The following NRXN3 variants were observed in gnomAD, a reference collection of about 807,000 sequenced individuals.
NRXN3 encodes neurexin 3, also known as neurexin III.
NRXN3 carries 32 observed loss-of-function variants against 137.6 expected under a neutral mutation model. The observed-to-expected ratio is 0.23, with a 90% CI of 0.18 to 0.31. The LOEUF (loss-of-function observed/expected upper bound fraction) is 0.31. Among genes scored for constraint, NRXN3 ranks in the 10% least tolerant of loss-of-function variants. The pLI is 1.00. For synonymous variants in NRXN3, 798 were observed against 784.5 expected (o/e 1.02, Z -0.29); for missense variants, 1,574 against 2,062.5 (o/e 0.76, Z 4.59).
At chr14:79,125,776 TC>T (rs2056308775) in intron 15 of NRXN3, among the ~76,000 whole-genome samples, 1 of 152,138 alleles carries the variant, frequency 6.6e-6, no homozygotes, top group Admixed American at 6.6e-5. Flanking sequence ...ACGTATTTTT[TC>T]ATTTCCTCTT....
At chr14:78,764,915 A>G (rs548987160) in intron 8 of NRXN3, among the ~76,000 whole-genome samples, 15 of 152,350 alleles carry the variant, frequency 9.8e-5, no homozygotes, top group African/African-American at 3.6e-4. Context: ...AGGACTGAGG[A>G]ATCAATATCT....
intron 16 of NRXN3, among the ~76,000 whole-genome samples, chr14:79,598,216 C>A (rs1326416586): frequency 6.6e-6 from 1 of 152,110 alleles, no homozygotes; most frequent in African/African-American, 2.4e-5. Flanking sequence ...AGTATAGTAT[C>A]GTTGGTGCAG....
intron 15 of NRXN3, among the ~76,000 whole-genome samples, chr14:79,333,662 A>C (rs1738621933): frequency 1.3e-5 from 2 of 152,212 alleles, no homozygotes; most frequent in Non-Finnish European, 2.9e-5. Flanking sequence ...TCTTAAAAAG[A>C]AAAAGCCCTC....
chr14:78,278,118 A>G lies in NRXN3; in HGVS notation c.710-527A>G, dbSNP rs562032265. Among the ~76,000 whole-genome samples the G allele has an allele frequency of 1.4e-4, 21 of 152,242 alleles. No individual in the cohort carries two copies. The South Asian group carries it at 4.2e-3, about 30-fold the overall frequency. On this transcript the variant is annotated intron_variant, in intron 2 of 20. Coordinates refer to ENST00000335750, the MANE Select transcript of NRXN3 (RefSeq NM_001330195.2). ...TTGTGACCTTATGTCCTTCAGTCCT[A>G]TGTGGTGAATAAATCTGTAACTTGC...
chr14:79,215,668 T>A (rs1304019009), intron 15 of NRXN3, among the ~76,000 whole-genome samples: 4 of 152,150 alleles, frequency 2.6e-5, no homozygotes, highest in Non-Finnish European at 5.9e-5. Flanking sequence ...CCCCCATTAT[T>A]CAGTTATCTC....
Position 78,966,111 on chromosome 14 carries a change from C to T in NRXN3, c.2482C>T (p.Pro828Ser), listed in dbSNP as rs1257928558. The T allele has an allele frequency of 6.2e-7, 1 of 1,614,106 alleles. No individual in the cohort carries two copies. The highest frequency in any genetic ancestry group is 2.2e-5 in the East Asian group (1 of 44,870). Residue 828 changes from proline (P) to serine (S), a missense_variant, in exon 12 of 21, where the codon CCC (proline) becomes TCC (serine). Coordinates refer to ENST00000335750, the MANE Select transcript of NRXN3 (RefSeq NM_001330195.2). ...MTEKRYISVV[P>S]SSFIGHLQSL... The stretch of plus-strand genomic sequence containing the variant: ...TGAGAAACGCTACATCTCCGTTGTC[C>T]CCTCCAGCTTTATTGGCCATCTGCA...
intron 4 of NRXN3, among the ~76,000 whole-genome samples, chr14:78,621,797 T>C (rs991052752): frequency 2.0e-4 from 31 of 152,224 alleles, no homozygotes; most frequent in African/African-American, 7.2e-4. Flanking sequence ...TTGAAACTAC[T>C]GACACTTTCA....
At chr14:79,012,165 G>T (rs1567983580) in intron 15 of NRXN3, among the ~76,000 whole-genome samples, 1 of 152,182 alleles carries the variant, frequency 6.6e-6, no homozygotes, top group African/African-American at 2.4e-5. Flanking sequence ...CTGAGCAGGT[G>T]CAGGGTGATG....
chr14:78,475,196 A>C (rs891546137), intron 4 of NRXN3, among the ~76,000 whole-genome samples: 16 of 150,066 alleles, frequency 1.1e-4, no homozygotes, highest in Non-Finnish European at 1.9e-4. Context: ...GACAGGTGTG[A>C]AAAAGCATTT....
rs2152598214 is a variant in NRXN3, at chr14:78,875,912, C to T, written c.2275+65568C>T. 2.0e-5 allele frequency among the ~76,000 whole-genome samples: 3 copies of T among 152,290 alleles called. No individual in the cohort carries two copies. In the South Asian group the frequency reaches 6.2e-4, roughly 32 times the overall value. On this transcript the variant is annotated intron_variant, in intron 10 of 20. Transcript: ENST00000335750. ...ACTTCTAAGGAACAACTGAGAACAA[C>T]TACTCCCCTTGTATTCTTTTGAGGA...
intron 20 of NRXN3, among the ~76,000 whole-genome samples, chr14:79,816,151 T>C (rs905599672): frequency 3.3e-5 from 5 of 152,170 alleles, no homozygotes; most frequent in African/African-American, 7.2e-5. Context: ...GTTGAGAAAA[T>C]TGGGATTTTA....
intron 4 of NRXN3, among the ~76,000 whole-genome samples, chr14:78,554,546 C>T (rs756887636): frequency 2.0e-4 from 30 of 152,166 alleles, no homozygotes; most frequent in African/African-American, 7.2e-4. Flanking sequence ...GTTAGTGGCC[C>T]GAAAATCTGC....
chr14:79,126,917 G>A (rs1263300276), intron 15 of NRXN3, among the ~76,000 whole-genome samples: 20 of 152,312 alleles, frequency 1.3e-4, no homozygotes, highest in African/African-American at 2.6e-4. Flanking sequence ...GCATTTCTCT[G>A]TTGGCCAGTG....
At chr14:78,968,379 C>T (rs968361987) in intron 14 of NRXN3, 33 bp downstream of exon 14, 1 of 1,600,946 alleles carries the variant, frequency 6.2e-7, no homozygotes, top group East Asian at 2.2e-5. Flanking sequence ...TAAGCTACAG[C>T]CTTGTTGCAA....
rs1175777700 is a variant in NRXN3, at chr14:79,863,366, G to C, written c.*1402G>C. 2 of 150,968 alleles carry C rather than the reference G, an allele frequency of 1.3e-5. No individual in the cohort carries two copies. Among genetic ancestry groups the C allele is most frequent in the East Asian group, 3.9e-4 (2 of 5,170 alleles). 9.4% of individuals were successfully genotyped at this position (150,968 alleles called of 1,614,324 possible). A position where few individuals can be genotyped will look rare whatever the true frequency, so the allele number is the denominator to read the frequency against. On this transcript the variant is annotated 3_prime_UTR_variant, in exon 21 of 21. Transcript: ENST00000335750. ...TATATTTATCATGGTATGTTTGATG[G>C]GATGACTGACACAGGAAATCTGTTA...
intron 4 of NRXN3, among the ~76,000 whole-genome samples, chr14:78,380,543 G>A (rs2088881830): frequency 6.6e-6 from 1 of 152,028 alleles, no homozygotes; most frequent in Non-Finnish European, 1.5e-5. Context: ...CAGAGCAGAG[G>A]GAAATGCAGC....
chr14:78,484,593 G>A (rs1303588792), intron 4 of NRXN3, among the ~76,000 whole-genome samples: 1 of 152,116 alleles, frequency 6.6e-6, no homozygotes, highest in Admixed American at 6.5e-5. Flanking sequence ...GTAAATCACT[G>A]CATATGAGGG....
In NRXN3 at chr14:79,861,181, G is replaced by GAC; in HGVS notation, c.4094-160_4094-159dup. The GAC allele has an allele frequency of 6.5e-7, 1 of 1,531,828 alleles. No homozygotes were observed. Among genetic ancestry groups the GAC allele is most frequent in the Non-Finnish European group, 8.7e-7 (1 of 1,145,218 alleles). 94.9% of individuals were successfully genotyped at this position (1,531,828 alleles called of 1,614,324 possible). A position where few individuals can be genotyped will look rare whatever the true frequency, so the allele number is the denominator to read the frequency against. Reference sequence around the variant, plus strand: ...AGACCACCAAAGATTCCCTGTCCATGACCTCTGAGGCGGGGTTACCTTGCT... The same window carrying GAC: ...AGACCACCAAAGATTCCCTGTCCATGACACCTCTGAGGCGGGGTTACCTTGCT... On this transcript the variant is annotated intron_variant, in intron 20 of 20. Transcript: ENST00000335750. The surrounding 1 kb of genome is among the most constrained non-coding windows in gnomAD (Gnocchi z 5.4).
intron 8 of NRXN3, among the ~76,000 whole-genome samples, chr14:78,753,029 C>T (rs1034717721): frequency 1.3e-5 from 2 of 152,114 alleles, no homozygotes; most frequent in African/African-American, 2.4e-5. Context: ...AGCATTCCAC[C>T]GACTCTGCCC....
Sources: gnomAD v4.1 joint callset for allele counts (sites outside exome capture counted in the v4.1 genomes callset) on GRCh38, gnomAD v4.1.1 for gene constraint, Gnocchi (gnomAD v3.1) non-coding constraint, MANE v1.5 for transcripts, NCBI Gene and HGNC (gene_info 2026-07-23, HGNC 2026-07-21) for gene names.